Variants in TNKS observed in about 807,000 individuals in gnomAD.
TNKS encodes the protein poly [ADP-ribose] polymerase tankyrase-1.
Under a neutral mutation model 135.8 loss-of-function variants are expected in TNKS, and 72 were observed. The observed-to-expected ratio is 0.53, with a 90% CI of 0.44 to 0.64. TNKS has a LOEUF of 0.64. Ranked by LOEUF, TNKS falls within the 30% of genes least tolerant of loss-of-function variation. The pLI is 0.00. For missense variants in TNKS, 1,769 were observed against 1,674.0 expected, an observed-to-expected ratio of 1.06 and a Z score of -0.99; for synonymous variants, 849 against 649.3, an observed-to-expected ratio of 1.31 and a Z score of -4.68.
chr8:9,655,022 C>T (rs1257127133), intron 3 of TNKS, among the ~76,000 whole-genome samples: 3 of 152,180 alleles, frequency 2.0e-5, no homozygotes, highest in Non-Finnish European at 4.4e-5. Context: ...ACAGACGGCA[C>T]CTGGAAAATC....
intron 3 of TNKS, among the ~76,000 whole-genome samples, chr8:9,677,916 C>G (rs543052894): frequency 1.5e-4 from 23 of 152,248 alleles, no homozygotes; most frequent in African/African-American, 5.3e-4. Flanking sequence ...CCTGCTTCAC[C>G]TGAGGATTAC....
chr8:9,747,565 C>T lies in TNKS; in HGVS notation c.2644-459C>T, dbSNP rs1806304223. Among the ~76,000 whole-genome samples, 7 of 152,188 alleles carry T rather than the reference C, an allele frequency of 4.6e-5. No individual in the cohort carries two copies. The South Asian group carries it at 1.5e-3, about 32-fold the overall frequency. ...TTGAGAATCTTTGAGATGAGTATTT[C>T]AGTAAATCTGATTGCAGTAGGTAGA... is the stretch of plus-strand genomic sequence containing the variant. On this transcript the variant is annotated intron_variant, in intron 17 of 26. Coordinates refer to ENST00000310430, the MANE Select transcript of TNKS (RefSeq NM_003747.3).
chr8:9,635,027 G>A (rs116393140), intron 3 of TNKS, among the ~76,000 whole-genome samples: 11,008 of 152,168 alleles, frequency 0.072, 435 homozygotes, highest in South Asian at 0.17. Context: ...AATATTAGCC[G>A]GGCGCGGTGG....
Position 9,749,061 on chromosome 8 carries a change from T to C in TNKS, c.2832+849T>C, listed in dbSNP as rs530547640. ...GGGAGAAAGCAGAGGCTGTCATTGT[T>C]CTTTAAGGCTAAGCCTGGAACTGAC... On this transcript the variant is annotated intron_variant, in intron 18 of 26. Transcript: ENST00000310430. 4.6e-5 allele frequency among the ~76,000 whole-genome samples: 7 copies of C among 152,334 alleles called. No homozygotes were observed. The East Asian group carries it at 1.3e-3, about 29-fold the overall frequency.
chr8:9,580,936 A>C (rs1490123003), intron 2 of TNKS, among the ~76,000 whole-genome samples: 2 of 152,228 alleles, frequency 1.3e-5, no homozygotes, highest in South Asian at 2.1e-4. Context: ...AGCTGTATTC[A>C]ATCAGCATTT....
At chr8:9,776,111 C>G (rs1808214641) in intron 26 of TNKS, among the ~76,000 whole-genome samples, 1 of 152,108 alleles carries the variant, frequency 6.6e-6, no homozygotes, top group Non-Finnish European at 1.5e-5. Context: ...GAGCCCTTAT[C>G]TCTCCTGTAA....
chr8:9,585,220 C>T (rs192709985), intron 2 of TNKS, among the ~76,000 whole-genome samples: 22 of 151,656 alleles, frequency 1.5e-4, no homozygotes, highest in African/African-American at 5.3e-4. Context: ...ATGTTAGTAG[C>T]CTGGAAGCTT....
At chr8:9,715,428 G>C (rs753546772) in intron 11 of TNKS, among the ~76,000 whole-genome samples, 55 of 152,106 alleles carry the variant, frequency 3.6e-4, no homozygotes, top group Non-Finnish European at 7.1e-4. Context: ...GGTGCTGGAA[G>C]ATGGTAGCTG....
chr8:9,636,611 T>G (rs1800520660), intron 3 of TNKS, among the ~76,000 whole-genome samples: 1 of 152,194 alleles, frequency 6.6e-6, no homozygotes, highest in African/African-American at 2.4e-5. Flanking sequence ...CTCCTTGCTT[T>G]CTATCTTGTT....
At chr8:9,563,986 G>A (rs561809005) in intron 1 of TNKS, among the ~76,000 whole-genome samples, 6 of 152,294 alleles carry the variant, frequency 3.9e-5, no homozygotes, top group East Asian at 3.9e-4. Flanking sequence ...TACACCTGCA[G>A]CTCTGGCCTA....
intron 13 of TNKS, among the ~76,000 whole-genome samples, chr8:9,729,433 C>G (rs1408597019): frequency 6.6e-6 from 1 of 152,278 alleles, no homozygotes; most frequent in South Asian, 2.1e-4. Flanking sequence ...CTGCAATCGT[C>G]CTTTATAGCC....
chr8:9,682,194 T>C (rs1194528241), intron 5 of TNKS, among the ~76,000 whole-genome samples: 1 of 152,106 alleles, frequency 6.6e-6, no homozygotes, highest in Non-Finnish European at 1.5e-5. Flanking sequence ...TTCTTATCTG[T>C]GGTTAAATGC....
chr8:9,591,711 T>C (rs1585205512), intron 2 of TNKS, among the ~76,000 whole-genome samples: 1 of 152,360 alleles, frequency 6.6e-6, no homozygotes, highest in East Asian at 1.9e-4. Flanking sequence ...TTTGCTTTGC[T>C]TTTCGTTTTC....
intron 3 of TNKS, among the ~76,000 whole-genome samples, chr8:9,650,726 A>T (rs570413600): frequency 6.6e-6 from 1 of 152,238 alleles, no homozygotes; most frequent in East Asian, 1.9e-4. Context: ...CATCTTTGTC[A>T]GATGCATAGT....
intron 3 of TNKS, among the ~76,000 whole-genome samples, chr8:9,662,605 A>G (rs28398294): frequency 0.032 from 4,932 of 152,118 alleles, 191 homozygotes; most frequent in African/African-American, 0.096. Flanking sequence ...TGTGGTGGGG[A>G]TAGGGGGAAG....
At chr8:9,758,872 G>C in intron 20 of TNKS, among the ~76,000 whole-genome samples, 1 of 152,186 alleles carries the variant, frequency 6.6e-6, no homozygotes. Context: ...GCTTAGTTGT[G>C]TCCTTTGCTT....
At chr8:9,720,310 C>G (rs756650154) in intron 11 of TNKS, 64 bp from the exon 12 acceptor site, 25 of 1,355,406 alleles carry the variant, frequency 1.8e-5, no homozygotes, top group Non-Finnish European at 2.5e-5. Flanking sequence ...AATGTATTTT[C>G]TAAGGTATAA....
At chr8:9,597,737 G>C (rs1798845076) in intron 2 of TNKS, among the ~76,000 whole-genome samples, 1 of 152,288 alleles carries the variant, frequency 6.6e-6, no homozygotes. Context: ...CAAGCCAAGA[G>C]ACATCACAGT....
chr8:9,655,430 G>A (rs1005202027), intron 3 of TNKS, among the ~76,000 whole-genome samples: 11 of 152,190 alleles, frequency 7.2e-5, no homozygotes, highest in Non-Finnish European at 1.5e-4. Flanking sequence ...ATCCGAGAAC[G>A]GGCAGACTGC....
Sources: allele counts gnomAD v4.1 joint callset (sites outside exome capture counted in the v4.1 genomes callset), GRCh38; gene constraint gnomAD v4.1.1; transcripts MANE v1.5; gene names NCBI Gene and HGNC (gene_info 2026-07-23, HGNC 2026-07-21).